WDR7: variants seen among roughly 807,000 people sequenced by gnomAD.
WDR7 encodes WD repeat-containing protein 7.
WDR7 carries 46 observed loss-of-function variants against 169.4 expected under a neutral mutation model. The ratio of observed to expected loss-of-function variants is 0.27; its 90% CI spans 0.21 to 0.35. The LOEUF (loss-of-function observed/expected upper bound fraction) is 0.35. WDR7 is among the 10% of genes least tolerant of loss of function. The probability of loss-of-function intolerance (pLI) is 1.00; values close to 1 mark genes in which losing one functional copy is unlikely to be tolerated. For synonymous variants in WDR7, 612 were observed against 666.8 expected (o/e 0.92, Z 1.27); for missense variants, 1,534 against 1,859.3 (o/e 0.83, Z 3.22).
intron 20 of WDR7, among the ~76,000 whole-genome samples, chr18:56,860,665 T>C (rs555398111): frequency 2.6e-5 from 4 of 152,272 alleles, no homozygotes; most frequent in African/African-American, 7.2e-5. Flanking sequence ...CCTTTTAATT[T>C]GATTATGCTA....
chr18:56,707,589 G>C (rs1398248058), intron 12 of WDR7, among the ~76,000 whole-genome samples: 2 of 152,106 alleles, frequency 1.3e-5, no homozygotes, highest in African/African-American at 4.8e-5. Context: ...TGTCTGAGAA[G>C]CCCAAACTGG....
At chr18:56,829,091 C>T (rs375187481) in intron 20 of WDR7, among the ~76,000 whole-genome samples, 18 of 147,392 alleles carry the variant, frequency 1.2e-4, no homozygotes, top group South Asian at 8.7e-4. Context: ...AAGATTAGCC[C>T]GCGGCAACAT....
At chr18:56,866,513 G>T (rs1383565513) in intron 20 of WDR7, among the ~76,000 whole-genome samples, 1 of 151,812 alleles carries the variant, frequency 6.6e-6, no homozygotes, top group Non-Finnish European at 1.5e-5. Context: ...TATTTCGAAA[G>T]ATTTTTTTTC....
intron 12 of WDR7, among the ~76,000 whole-genome samples, chr18:56,704,763 A>G (rs752622934): frequency 1.1e-4 from 17 of 152,198 alleles, no homozygotes; most frequent in Admixed American, 2.0e-4. Flanking sequence ...AAAAATTAGA[A>G]ATTCTTACAT....
chr18:56,817,174 G>A (rs909472602), intron 20 of WDR7, among the ~76,000 whole-genome samples: 6 of 151,806 alleles, frequency 4.0e-5, no homozygotes, highest in East Asian at 3.9e-4. Context: ...GCAAAATCCC[G>A]TCTCTACTAA....
At chr18:56,912,662 T>C (rs1457432723) in intron 21 of WDR7, among the ~76,000 whole-genome samples, 2 of 152,200 alleles carry the variant, frequency 1.3e-5, no homozygotes, top group Non-Finnish European at 2.9e-5. Flanking sequence ...CTTGGTAGCA[T>C]ATGATAATTC....
intron 13 of WDR7, among the ~76,000 whole-genome samples, chr18:56,723,992 A>G (rs1278432293): frequency 6.6e-6 from 1 of 151,700 alleles, no homozygotes; most frequent in Non-Finnish European, 1.5e-5. Context: ...TTTTCATCCC[A>G]AACACTGTAG....
chr18:56,904,210 C>A (rs1205435002), intron 21 of WDR7, among the ~76,000 whole-genome samples: 3 of 151,916 alleles, frequency 2.0e-5, no homozygotes, highest in Non-Finnish European at 4.4e-5. Flanking sequence ...GCTGGGATTA[C>A]AGGCACCTGC....
At chr18:56,706,972 G>A (rs2025970322) in intron 12 of WDR7, among the ~76,000 whole-genome samples, 1 of 120,486 alleles carries the variant, frequency 8.3e-6, no homozygotes, top group East Asian at 2.6e-4. Context: ...GAGCCACTGT[G>A]CCCCGCCAAA....
intron 19 of WDR7, among the ~76,000 whole-genome samples, chr18:56,815,557 T>G (rs572141757): frequency 2.6e-5 from 4 of 152,332 alleles, no homozygotes; most frequent in East Asian, 1.9e-4. Flanking sequence ...ATACTTTTTT[T>G]GGGTAGTGTG....
chr18:56,712,436 G>A (rs769554453), intron 12 of WDR7, among the ~76,000 whole-genome samples: 14 of 152,212 alleles, frequency 9.2e-5, no homozygotes, highest in Non-Finnish European at 1.6e-4. Flanking sequence ...GGCTTAGGAT[G>A]ATAATTATTT....
At chr18:56,830,867 C>A (rs1011757337) in intron 20 of WDR7, among the ~76,000 whole-genome samples, 5 of 152,162 alleles carry the variant, frequency 3.3e-5, no homozygotes, top group African/African-American at 1.2e-4. Context: ...GCCACCATCA[C>A]AGCTAATTTT....
At chr18:57,006,063 G>A (rs1323076266) in intron 26 of WDR7, among the ~76,000 whole-genome samples, 1 of 152,182 alleles carries the variant, frequency 6.6e-6, no homozygotes, top group Non-Finnish European at 1.5e-5. Context: ...TATATTAAAT[G>A]GAAAGCTTCT....
At chr18:56,992,082 A>C (rs1298730902) in intron 26 of WDR7, among the ~76,000 whole-genome samples, 3 of 152,246 alleles carry the variant, frequency 2.0e-5, no homozygotes. Flanking sequence ...CATAATGAAA[A>C]AGAATAATTT....
chr18:56,824,619 A>C (rs2045164503), intron 20 of WDR7, among the ~76,000 whole-genome samples: 1 of 152,152 alleles, frequency 6.6e-6, no homozygotes, highest in South Asian at 2.1e-4. Context: ...CCATCTTCTT[A>C]GTGGCTATTT....
chr18:56,775,009 A>G (rs2044218927), intron 16 of WDR7, among the ~76,000 whole-genome samples: 1 of 152,072 alleles, frequency 6.6e-6, no homozygotes, highest in Non-Finnish European at 1.5e-5. Flanking sequence ...CTATTAAGAC[A>G]TACGCCTATT....
chr18:56,746,852 T>C (rs774768678), intron 14 of WDR7, among the ~76,000 whole-genome samples: 3 of 152,202 alleles, frequency 2.0e-5, no homozygotes, highest in Non-Finnish European at 4.4e-5. Context: ...GCACCATCCC[T>C]AGCCTCTACC....
chr18:56,934,863 G>A (rs886281447), intron 22 of WDR7, among the ~76,000 whole-genome samples: 5 of 152,022 alleles, frequency 3.3e-5, no homozygotes, highest in Admixed American at 6.6e-5. Flanking sequence ...TATTTAACTC[G>A]GGAAACTATA....
intron 26 of WDR7, among the ~76,000 whole-genome samples, chr18:57,004,726 T>C (rs1258837523): frequency 6.6e-6 from 1 of 152,188 alleles, no homozygotes; most frequent in Non-Finnish European, 1.5e-5. Context: ...TTTAAAGTTA[T>C]ATTAGTTATC....
Sources: gnomAD v4.1 joint callset for allele counts (sites outside exome capture counted in the v4.1 genomes callset) on GRCh38, gnomAD v4.1.1 for gene constraint, MANE v1.5 for transcripts, NCBI Gene and HGNC (gene_info 2026-07-23, HGNC 2026-07-21) for gene names.